Variants in GNG7 observed in about 807,000 individuals in gnomAD.
The protein encoded by GNG7 is guanine nucleotide-binding protein G(I)/G(S)/G(O) subunit gamma-7.
Under a neutral mutation model 4.0 loss-of-function variants are expected in GNG7, and 1 was observed. The observed-to-expected ratio is 0.25, with a 90% CI of 0.09 to 1.18. The LOEUF is 1.18. Ranked by LOEUF, GNG7 falls within the 50% of genes most tolerant of loss-of-function variation. GNG7 has a pLI of 0.50. For synonymous variants in GNG7, 34 were observed against 36.9 expected (o/e 0.92, Z 0.29); for missense variants, 86 against 91.9 (o/e 0.94, Z 0.26).
chr19:2,599,225 C>T (rs570313247), intron 2 of GNG7, among the ~76,000 whole-genome samples: 1 of 152,080 alleles, frequency 6.6e-6, no homozygotes, highest in Non-Finnish European at 1.5e-5. Flanking sequence ...GGCTGACCTC[C>T]GAAAACACCG....
chr19:2,655,065 C>T lies in GNG7; in HGVS notation c.-134-8785G>A, dbSNP rs985108446. ...CATAGCCAGGTGTGGTGGTCTGCAC[C>T]TGTGATCCCAGTTACTCAGGAGGCT... On this transcript the variant is annotated intron_variant, in intron 1 of 4. Coordinates refer to ENST00000382159, the MANE Select transcript of GNG7 (RefSeq NM_052847.3). Among the ~76,000 whole-genome samples, 45 of 152,016 alleles carry T rather than the reference C, an allele frequency of 3.0e-4. 1 individual carries two copies. The highest frequency in any genetic ancestry group is 1.1e-3 in the African/African-American group (44 of 41,476).
Position 2,513,657 on chromosome 19 carries a change from A to C in GNG7, c.*1365T>G. 1.3e-6 allele frequency: 1 copy of C among 788,760 alleles called. No individual in the cohort carries two copies. The highest frequency in any genetic ancestry group is 5.8e-5 in the South Asian group (1 of 17,260). The allele number at this position is 788,760 out of a possible 1,614,324, so 48.9% of individuals were successfully genotyped here. The stretch of plus-strand genomic sequence containing the variant: ...AGCAAAAAGATCGGGTTCGAGCGAC[A>C]GGGTAACGTTTTGAGCGGACGTTTT... On this transcript the variant is annotated 3_prime_UTR_variant, in exon 5 of 5. Transcript: ENST00000382159.
chr19:2,553,904 T>C (rs1979457580), intron 3 of GNG7, among the ~76,000 whole-genome samples: 1 of 148,272 alleles, frequency 6.7e-6, no homozygotes, highest in Admixed American at 6.8e-5. Context: ...TAATATTACA[T>C]ACATGTGCAT....
At chr19:2,616,931 G>A (rs1326429038) in intron 2 of GNG7, among the ~76,000 whole-genome samples, 1 of 152,148 alleles carries the variant, frequency 6.6e-6, no homozygotes, top group African/African-American at 2.4e-5. Context: ...CACGGGATAA[G>A]TGCAGCTCCG....
At chr19:2,552,451 C>A (rs1979361420) in intron 3 of GNG7, among the ~76,000 whole-genome samples, 1 of 152,092 alleles carries the variant, frequency 6.6e-6, no homozygotes, top group South Asian at 2.1e-4. Flanking sequence ...ATGGTGCGAT[C>A]TCGGCTCACT....
At chr19:2,654,058 C>T (rs1472842560) in intron 1 of GNG7, among the ~76,000 whole-genome samples, 1 of 151,966 alleles carries the variant, frequency 6.6e-6, no homozygotes, top group Non-Finnish European at 1.5e-5. Flanking sequence ...GGGGCGGGGC[C>T]GTGTCTTTTG....
chr19:2,628,126 T>C (rs1047820377), intron 2 of GNG7, among the ~76,000 whole-genome samples: 3 of 152,090 alleles, frequency 2.0e-5, no homozygotes, highest in African/African-American at 7.2e-5. Context: ...AGTGTATGAG[T>C]CAGCTACTGC....
intron 1 of GNG7, among the ~76,000 whole-genome samples, chr19:2,650,183 C>CTTTTTT (rs529803793): frequency 0.016 from 1,954 of 125,890 alleles, 128 homozygotes; most frequent in African/African-American, 0.059. Context: ...TCATAGGAAT[C>CTTTTTT]TTTTTTTTTT....
intron 2 of GNG7, among the ~76,000 whole-genome samples, chr19:2,631,568 A>G (rs888997833): frequency 7.9e-5 from 12 of 152,198 alleles, no homozygotes; most frequent in South Asian, 2.1e-4. Flanking sequence ...AACTTGGCCC[A>G]GGGACCTGCA....
At chr19:2,572,832 A>C (rs2144782594) in intron 2 of GNG7, among the ~76,000 whole-genome samples, 1 of 149,504 alleles carries the variant, frequency 6.7e-6, no homozygotes, top group East Asian at 2.0e-4. Flanking sequence ...CCTGGTCTCA[A>C]GCAATCCTCC....
chr19:2,563,958 G>A (rs1979823797), intron 2 of GNG7, among the ~76,000 whole-genome samples: 1 of 151,644 alleles, frequency 6.6e-6, no homozygotes, highest in Non-Finnish European at 1.5e-5. Context: ...AGGAGACGGT[G>A]AAGGTGGTAT....
At chr19:2,560,519 C>T (rs370090013) in intron 2 of GNG7, among the ~76,000 whole-genome samples, 20 of 152,178 alleles carry the variant, frequency 1.3e-4, no homozygotes, top group African/African-American at 4.6e-4. Context: ...GGACCCTGGG[C>T]GGTGGCTGGG....
chr19:2,594,308 G>C (rs1980942149), intron 2 of GNG7, among the ~76,000 whole-genome samples: 1 of 151,864 alleles, frequency 6.6e-6, no homozygotes, highest in Non-Finnish European at 1.5e-5. Context: ...GGGAGGTAGA[G>C]GTTGCAGTGA....
chr19:2,567,243 T>C (rs569709936), intron 2 of GNG7, among the ~76,000 whole-genome samples: 86 of 152,026 alleles, frequency 5.7e-4, no homozygotes, highest in African/African-American at 2.0e-3. Flanking sequence ...TTTCAAGTCA[T>C]TGGGTTGGCC....
Position 2,512,019 on chromosome 19 carries a change from G to C in GNG7, c.*3003C>G, listed in dbSNP as rs751663758. On this transcript the variant is annotated 3_prime_UTR_variant, in exon 5 of 5. Coordinates refer to ENST00000382159, the MANE Select transcript of GNG7 (RefSeq NM_052847.3). The surrounding 1 kb of genome is among the most constrained non-coding windows in gnomAD (Gnocchi z 4.7). ...TCTCGCTCAGCAGCGGGGAAGGCCC[G>C]TGGGAGACCCAGGCTACAGAAGGAG... 2.0e-6 allele frequency: 2 copies of C among 985,754 alleles called. No individual in the cohort carries two copies. Among genetic ancestry groups the C allele is most frequent in the Non-Finnish European group, 2.4e-6 (2 of 829,954 alleles). 61.1% of individuals were successfully genotyped at this position (985,754 alleles called of 1,614,324 possible). A position where few individuals can be genotyped will look rare whatever the true frequency, so the allele number is the denominator to read the frequency against.
At chr19:2,619,599 G>A (rs1451568469) in intron 2 of GNG7, among the ~76,000 whole-genome samples, 1 of 152,190 alleles carries the variant, frequency 6.6e-6, no homozygotes, top group African/African-American at 2.4e-5. Context: ...AAAGGAACAA[G>A]GCTCTGATGC....
chr19:2,549,477 G>A (rs1212487374), intron 3 of GNG7, among the ~76,000 whole-genome samples: 1 of 152,064 alleles, frequency 6.6e-6, no homozygotes, highest in South Asian at 2.1e-4. Context: ...TTTTAGTAGA[G>A]ACGGGGTTTC....
At chr19:2,597,605 A>T (rs576454089) in intron 2 of GNG7, among the ~76,000 whole-genome samples, 11 of 149,286 alleles carry the variant, frequency 7.4e-5, no homozygotes, top group African/African-American at 2.7e-4. Context: ...CTCAAAAATA[A>T]TAATAATAAG....
intron 4 of GNG7, among the ~76,000 whole-genome samples, chr19:2,520,001 G>T (rs1214824341): frequency 6.6e-6 from 1 of 152,080 alleles, no homozygotes; most frequent in Admixed American, 6.6e-5. Flanking sequence ...GCAACATGGC[G>T]AAACGCCGTC....
Sources: allele counts gnomAD v4.1 joint callset (sites outside exome capture counted in the v4.1 genomes callset), GRCh38; gene constraint gnomAD v4.1.1; non-coding constraint Gnocchi (gnomAD v3.1); transcripts MANE v1.5; gene names NCBI Gene and HGNC (gene_info 2026-07-23, HGNC 2026-07-21).